PTPRE: variants seen among roughly 807,000 people sequenced by gnomAD.
PTPRE encodes protein tyrosine phosphatase receptor type E.
Under a neutral mutation model 102.0 loss-of-function variants are expected in PTPRE, and 51 were observed. The ratio of observed to expected loss-of-function variants is 0.50; its 90% CI spans 0.40 to 0.63. The LOEUF is 0.63. Among genes scored for constraint, PTPRE ranks in the 30% least tolerant of loss-of-function variants. The probability of loss-of-function intolerance (pLI) is 0.00; values close to 1 mark genes in which losing one functional copy is unlikely to be tolerated. For missense variants in PTPRE, 752 were observed against 915.1 expected, an observed-to-expected ratio of 0.82 and a Z score of 2.30; for synonymous variants, 345 against 348.2, an observed-to-expected ratio of 0.99 and a Z score of 0.10.
At chr10:127,973,204 A>G (rs1850891961) in intron 1 of PTPRE, among the ~76,000 whole-genome samples, 1 of 152,214 alleles carries the variant, frequency 6.6e-6, no homozygotes, top group Non-Finnish European at 1.5e-5. Flanking sequence ...GGTTCACAGA[A>G]CTTTTTCAGT....
rs186235412 is a variant in PTPRE, at chr10:127,965,793, A to G, written c.-30-16481A>G. ...GACAGCATCAGAGATCTGCTGGCTCAGGGTCCAGCCAGTCTCCACCTCTTT... is the reference window on the plus strand; with the variant it reads ...GACAGCATCAGAGATCTGCTGGCTCGGGGTCCAGCCAGTCTCCACCTCTTT... On this transcript the variant is annotated intron_variant, in intron 1 of 20. Transcript: ENST00000254667. 7.3e-4 allele frequency among the ~76,000 whole-genome samples: 111 copies of G among 152,324 alleles called. 1 individual carries two copies. Among genetic ancestry groups the G allele is most frequent in the African/African-American group, 2.6e-3 (108 of 41,580 alleles).
chr10:128,065,690 G>C (rs563306327), intron 10 of PTPRE, among the ~76,000 whole-genome samples: 1 of 152,188 alleles, frequency 6.6e-6, no homozygotes, highest in African/African-American at 2.4e-5. Flanking sequence ...GGAAATGTCT[G>C]GGGGGAGCAC....
At chr10:127,945,310 A>G (rs1848548977) in intron 1 of PTPRE, among the ~76,000 whole-genome samples, 1 of 152,172 alleles carries the variant, frequency 6.6e-6, no homozygotes, top group Admixed American at 6.5e-5. Context: ...TGGCAACTCA[A>G]TGTGGAGAAT....
intron 1 of PTPRE, among the ~76,000 whole-genome samples, chr10:127,925,823 G>A (rs1846964141): frequency 6.6e-6 from 1 of 152,148 alleles, no homozygotes; most frequent in Non-Finnish European, 1.5e-5. Context: ...TCCCCTGGGA[G>A]GTGGAGCACT....
intron 2 of PTPRE, among the ~76,000 whole-genome samples, chr10:127,995,999 C>T (rs1353534301): frequency 1.3e-5 from 2 of 152,184 alleles, no homozygotes; most frequent in Admixed American, 1.3e-4. Context: ...TAGATGCCAG[C>T]CTTGGTCTTA....
intron 1 of PTPRE, among the ~76,000 whole-genome samples, chr10:127,972,802 C>T (rs961673549): frequency 3.3e-5 from 5 of 152,218 alleles, no homozygotes; most frequent in African/African-American, 4.8e-5. Flanking sequence ...AGTAGCCATG[C>T]AGGTGGCAGG....
At chr10:127,963,998 A>T (rs1361856806) in intron 1 of PTPRE, among the ~76,000 whole-genome samples, 1 of 152,110 alleles carries the variant, frequency 6.6e-6, no homozygotes, top group Non-Finnish European at 1.5e-5. Context: ...GAGCCACAGG[A>T]TTAGTGCTGG....
intron 1 of PTPRE, among the ~76,000 whole-genome samples, chr10:127,951,710 T>C (rs1849039373): frequency 6.6e-6 from 1 of 152,192 alleles, no homozygotes; most frequent in Non-Finnish European, 1.5e-5. Flanking sequence ...AAATGGAAGC[T>C]ATTAGTGCTA....
At chr10:127,953,641 T>C (rs1254591920) in intron 1 of PTPRE, among the ~76,000 whole-genome samples, 1 of 152,234 alleles carries the variant, frequency 6.6e-6, no homozygotes, top group Non-Finnish European at 1.5e-5. Context: ...ACTCCTGCTA[T>C]GCTGCCTTCT....
At chr10:128,067,373 C>T (rs796847596) in intron 11 of PTPRE, among the ~76,000 whole-genome samples, 12 of 122,810 alleles carry the variant, frequency 9.8e-5, no homozygotes, top group African/African-American at 3.8e-4. Context: ...TGCACACATG[C>T]ACACATTCAC....
At chr10:127,940,113 T>G (rs1848131926) in intron 1 of PTPRE, among the ~76,000 whole-genome samples, 1 of 151,622 alleles carries the variant, frequency 6.6e-6, no homozygotes, top group Non-Finnish European at 1.5e-5. Context: ...CAGGCAGATG[T>G]GAGCAGGTGG....
At chr10:128,053,278 A>G (rs1248281333) in intron 6 of PTPRE, among the ~76,000 whole-genome samples, 1 of 152,058 alleles carries the variant, frequency 6.6e-6, no homozygotes, top group East Asian at 1.9e-4. Context: ...AAAAGGAAAG[A>G]AATGAAATGA....
At chr10:127,968,030 G>GTGTA (rs1850395590) in intron 1 of PTPRE, among the ~76,000 whole-genome samples, 1 of 150,220 alleles carries the variant, frequency 6.7e-6, no homozygotes, top group Non-Finnish European at 1.5e-5. Flanking sequence ...GTGTGTGTGT[G>GTGTA]TGTGTGTGTG....
intron 1 of PTPRE, among the ~76,000 whole-genome samples, chr10:127,960,617 C>A (rs1849719269): frequency 1.3e-5 from 2 of 152,218 alleles, no homozygotes; most frequent in Non-Finnish European, 2.9e-5. Flanking sequence ...AGGAGTTGGT[C>A]TGAGTCATCT....
At chr10:127,908,060 C>G (rs1047046220) in intron 1 of PTPRE, among the ~76,000 whole-genome samples, 2 of 152,222 alleles carry the variant, frequency 1.3e-5, no homozygotes, top group Non-Finnish European at 2.9e-5. Flanking sequence ...GGATGGAGAC[C>G]GCGCTGGACC....
In PTPRE at chr10:128,063,188, C is replaced by G. The variant is rs779664046; in HGVS notation, c.723+8C>G. The G allele has an allele frequency of 5.6e-6, 9 of 1,613,966 alleles. No individual in the cohort carries two copies. The South Asian group carries it at 9.9e-5, about 18-fold the overall frequency. On this transcript the variant is annotated splice_region_variant and intron_variant, in intron 10 of 20. Transcript: ENST00000254667. Reference sequence around the variant, plus strand: ...TTGAAAGAAAGGAAAGAGGTGAGTTCCAGGCATCTGGCCCCGGTATCACTT... The same window carrying G: ...TTGAAAGAAAGGAAAGAGGTGAGTTGCAGGCATCTGGCCCCGGTATCACTT...
intron 2 of PTPRE, among the ~76,000 whole-genome samples, chr10:128,018,414 G>T (rs771039077): frequency 2.0e-5 from 3 of 152,208 alleles, no homozygotes; most frequent in Non-Finnish European, 2.9e-5. Flanking sequence ...TCATCTCGCA[G>T]ATCTGTGTCA....
intron 9 of PTPRE, 54 bp from the exon 10 acceptor site, chr10:128,063,029 C>G: frequency 6.2e-7 from 1 of 1,608,038 alleles, no homozygotes; most frequent in East Asian, 2.2e-5. Flanking sequence ...GGCTGGGACC[C>G]CAAAGGGACT....
Position 128,061,021 on chromosome 10 carries a change from T to C in PTPRE, c.588+6T>C. On this transcript the variant is annotated splice_donor_region_variant and intron_variant, in intron 8 of 20. Transcript: ENST00000254667. Reference sequence around the variant, plus strand: ...TCAATGCTTCCTACATAGATGTAAGTGGGCAGAGGTTTCTTGTTCCCCTGG... The same window carrying C: ...TCAATGCTTCCTACATAGATGTAAGCGGGCAGAGGTTTCTTGTTCCCCTGG... 6.2e-7 allele frequency: 1 copy of C among 1,613,632 alleles called. No homozygotes were observed. The highest frequency in any genetic ancestry group is 1.1e-5 in the South Asian group (1 of 91,058).
Sources: allele counts gnomAD v4.1 joint callset (sites outside exome capture counted in the v4.1 genomes callset), GRCh38; gene constraint gnomAD v4.1.1; transcripts MANE v1.5; gene names NCBI Gene and HGNC (gene_info 2026-07-23, HGNC 2026-07-21).